Variants in TMEM135 observed in about 807,000 individuals in gnomAD.
TMEM135 encodes the protein peroxisomal membrane protein 52.
TMEM135 carries 30 observed loss-of-function variants against 60.3 expected under a neutral mutation model. That is an observed-to-expected ratio of 0.50 (90% CI 0.37 to 0.68). The LOEUF is 0.68. TMEM135 is among the 30% of genes least tolerant of loss of function. TMEM135 has a pLI of 0.00. For missense variants in TMEM135, 468 were observed against 548.8 expected, an observed-to-expected ratio of 0.85 and a Z score of 1.47; for synonymous variants, 190 against 186.7, an observed-to-expected ratio of 1.02 and a Z score of -0.14.
chr11:87,200,144 A>G (rs565226921), intron 5 of TMEM135, among the ~76,000 whole-genome samples: 1 of 152,260 alleles, frequency 6.6e-6, no homozygotes, highest in East Asian at 1.9e-4. Flanking sequence ...ATAGTCTTAG[A>G]TAAGTAAAAT....
intron 6 of TMEM135, among the ~76,000 whole-genome samples, chr11:87,242,255 C>T (rs577254): frequency 0.66 from 99,259 of 150,790 alleles, 33,283 homozygotes; most frequent in Non-Finnish European, 0.71. Flanking sequence ...CTATCATTGT[C>T]GGACATTTGG....
chr11:87,213,877 A>G (rs1053551790), intron 5 of TMEM135, among the ~76,000 whole-genome samples: 1 of 152,208 alleles, frequency 6.6e-6, no homozygotes, highest in African/African-American at 2.4e-5. Context: ...TAACATATCC[A>G]TTATCTTGTT....
chr11:87,233,483 T>C (rs998513024), intron 5 of TMEM135, among the ~76,000 whole-genome samples: 1 of 152,118 alleles, frequency 6.6e-6, no homozygotes, highest in African/African-American at 2.4e-5. Context: ...GAGAATGCTA[T>C]AAGCAGCTTT....
chr11:87,070,565 G>A (rs1565428399), intron 2 of TMEM135, among the ~76,000 whole-genome samples: 1 of 152,052 alleles, frequency 6.6e-6, no homozygotes, highest in Non-Finnish European at 1.5e-5. Context: ...GAACCCAGGA[G>A]GCAGAGGTTG....
intron 6 of TMEM135, among the ~76,000 whole-genome samples, chr11:87,290,900 T>C (rs1262653527): frequency 6.6e-6 from 1 of 152,200 alleles, no homozygotes; most frequent in African/African-American, 2.4e-5. Context: ...TCTACATATA[T>C]GAGTTAAATG....
chr11:87,268,227 C>G (rs183768905), intron 6 of TMEM135, among the ~76,000 whole-genome samples: 17 of 111,920 alleles, frequency 1.5e-4, no homozygotes, highest in African/African-American at 4.5e-4. Context: ...TACTCTGTCT[C>G]TCAGGCAGGC....
intron 6 of TMEM135, among the ~76,000 whole-genome samples, chr11:87,256,466 G>A (rs1332971278): frequency 6.6e-6 from 1 of 152,106 alleles, no homozygotes; most frequent in Non-Finnish European, 1.5e-5. Flanking sequence ...CTTAAATTAT[G>A]TTGTAATATG....
chr11:87,280,071 T>C (rs1942032380), intron 6 of TMEM135, among the ~76,000 whole-genome samples: 1 of 152,252 alleles, frequency 6.6e-6, no homozygotes, highest in Admixed American at 6.5e-5. Flanking sequence ...TTTAAACTAA[T>C]TTGTTAATCT....
intron 6 of TMEM135, among the ~76,000 whole-genome samples, chr11:87,237,821 C>A (rs999582938): frequency 2.6e-5 from 4 of 151,834 alleles, no homozygotes; most frequent in Admixed American, 6.6e-5. Flanking sequence ...CTCCCCACTA[C>A]TCTTACCACC....
At chr11:87,099,151 A>C (rs573608441) in intron 4 of TMEM135, among the ~76,000 whole-genome samples, 1 of 152,256 alleles carries the variant, frequency 6.6e-6, no homozygotes, top group Admixed American at 6.5e-5. Context: ...TGTGTACTTC[A>C]ATACCCAAAT....
intron 4 of TMEM135, among the ~76,000 whole-genome samples, chr11:87,137,330 T>C (rs1222860640): frequency 1.3e-5 from 2 of 151,986 alleles, no homozygotes; most frequent in East Asian, 1.9e-4. Flanking sequence ...TAAGTGAATG[T>C]CTTTGTAAAA....
chr11:87,308,149 G>A (rs1037873219), intron 9 of TMEM135, among the ~76,000 whole-genome samples: 1 of 152,126 alleles, frequency 6.6e-6, no homozygotes, highest in African/African-American at 2.4e-5. Flanking sequence ...GCTCCACAAA[G>A]GCAAGAACTC....
intron 4 of TMEM135, among the ~76,000 whole-genome samples, chr11:87,098,513 A>C (rs1256865816): frequency 1.3e-5 from 2 of 152,162 alleles, no homozygotes; most frequent in Admixed American, 1.3e-4. Flanking sequence ...CTGTTTTGCC[A>C]GCTCATGGTG....
chr11:87,202,541 G>A (rs1940137482), intron 5 of TMEM135, among the ~76,000 whole-genome samples: 1 of 152,142 alleles, frequency 6.6e-6, no homozygotes, highest in Non-Finnish European at 1.5e-5. Flanking sequence ...GCCCAGGCTG[G>A]TCTTTAACTC....
chr11:87,116,742 T>G (rs1217925375), intron 4 of TMEM135, among the ~76,000 whole-genome samples: 1 of 152,060 alleles, frequency 6.6e-6, no homozygotes, highest in East Asian at 1.9e-4. Context: ...ATAAAATGAT[T>G]CACATGAATT....
chr11:87,215,825 T>C (rs913935109), intron 5 of TMEM135, among the ~76,000 whole-genome samples: 1 of 152,220 alleles, frequency 6.6e-6, no homozygotes, highest in African/African-American at 2.4e-5. Context: ...CTTTCAACTA[T>C]AACTTCATTG....
At chr11:87,039,829 TAAC>T (rs1272308562) in intron 1 of TMEM135, among the ~76,000 whole-genome samples, 1 of 152,270 alleles carries the variant, frequency 6.6e-6, no homozygotes, top group Admixed American at 6.5e-5. Flanking sequence ...TTCATTCACT[TAAC>T]AAATATTTGT....
intron 8 of TMEM135, 136 bp from the exon 9 acceptor site, chr11:87,305,800 T>TAAAGAAAGAAAGAAAG (rs1422541624): frequency 1.0e-5 from 4 of 385,720 alleles, no homozygotes; most frequent in South Asian, 1.3e-4. Flanking sequence ...AATAAATAAA[T>TAAAGAAAGAAAGAAAG]AAATAAAGTG....
intron 1 of TMEM135, among the ~76,000 whole-genome samples, chr11:87,044,125 C>A (rs747075082): frequency 2.6e-5 from 4 of 152,094 alleles, no homozygotes; most frequent in Non-Finnish European, 4.4e-5. Context: ...CCCTTTGAAC[C>A]ATGTAATCCA....
Sources: allele counts gnomAD v4.1 joint callset (sites outside exome capture counted in the v4.1 genomes callset), GRCh38; gene constraint gnomAD v4.1.1; transcripts MANE v1.5; gene names NCBI Gene and HGNC (gene_info 2026-07-23, HGNC 2026-07-21).